ADAMTS3: variants seen among roughly 807,000 people sequenced by gnomAD.
ADAMTS3 encodes the protein ADAM metallopeptidase with thrombospondin type 1 motif 3.
A neutral mutation model predicts 129.0 loss-of-function variants in ADAMTS3; 73 were observed. That is an observed-to-expected ratio of 0.57 (90% CI 0.47 to 0.69). The LOEUF is 0.69. ADAMTS3 is among the 30% of genes least tolerant of loss of function. The probability of loss-of-function intolerance (pLI) is 0.00; values close to 1 mark genes in which losing one functional copy is unlikely to be tolerated. For synonymous variants in ADAMTS3, 477 were observed against 510.8 expected (o/e 0.93, Z 0.89); for missense variants, 1,457 against 1,514.5 (o/e 0.96, Z 0.63).
chr4:72,364,292 C>T (rs1720811908), intron 4 of ADAMTS3, among the ~76,000 whole-genome samples: 2 of 151,962 alleles, frequency 1.3e-5, no homozygotes, highest in Non-Finnish European at 2.9e-5. Flanking sequence ...TTTACTTTTC[C>T]AAAGATTTTA....
intron 4 of ADAMTS3, among the ~76,000 whole-genome samples, chr4:72,364,004 A>T (rs1720798416): frequency 6.6e-6 from 1 of 152,176 alleles, no homozygotes; most frequent in African/African-American, 2.4e-5. Context: ...CATGAAAATG[A>T]TGGCTACCCT....
intron 3 of ADAMTS3, among the ~76,000 whole-genome samples, chr4:72,518,313 G>C (rs1244695169): frequency 2.0e-5 from 3 of 152,182 alleles, no homozygotes; most frequent in Non-Finnish European, 2.9e-5. Flanking sequence ...TGTATATTCT[G>C]TTGATATGGG....
chr4:72,288,421 G>A (rs1008934085), intron 21 of ADAMTS3, among the ~76,000 whole-genome samples: 4 of 152,146 alleles, frequency 2.6e-5, no homozygotes, highest in African/African-American at 9.7e-5. Flanking sequence ...ATAAAGATGT[G>A]AAGTTATAGT....
At chr4:72,406,775 T>C (rs1403928308) in intron 4 of ADAMTS3, among the ~76,000 whole-genome samples, 1 of 152,144 alleles carries the variant, frequency 6.6e-6, no homozygotes, top group Non-Finnish European at 1.5e-5. Context: ...TCCAGGTGAT[T>C]GTTATAATAA....
intron 3 of ADAMTS3, among the ~76,000 whole-genome samples, chr4:72,430,162 ACCTT>A: frequency 6.6e-6 from 1 of 152,006 alleles, no homozygotes; most frequent in Non-Finnish European, 1.5e-5. Context: ...TCCAAGTGTG[ACCTT>A]GGCACTCCCT....
chr4:72,523,621 AT>A (rs1469607639), intron 3 of ADAMTS3, among the ~76,000 whole-genome samples: 5 of 152,126 alleles, frequency 3.3e-5, no homozygotes, highest in Non-Finnish European at 7.4e-5. Context: ...AGTTTTTTAA[AT>A]AATTGTATGA....
At chr4:72,367,122 G>C (rs1331175605) in intron 4 of ADAMTS3, among the ~76,000 whole-genome samples, 1 of 152,150 alleles carries the variant, frequency 6.6e-6, no homozygotes. Context: ...AGAATTTCTT[G>C]AAAACATCTA....
At chr4:72,538,920 A>C (rs1030736832) in intron 3 of ADAMTS3, among the ~76,000 whole-genome samples, 1 of 152,208 alleles carries the variant, frequency 6.6e-6, no homozygotes, top group Non-Finnish European at 1.5e-5. Context: ...GAGAAAAGAC[A>C]GTCTTTTCAA....
At chr4:72,481,509 C>G (rs765289766) in intron 3 of ADAMTS3, among the ~76,000 whole-genome samples, 3 of 152,060 alleles carry the variant, frequency 2.0e-5, no homozygotes, top group Non-Finnish European at 2.9e-5. Context: ...AAAGAATAGC[C>G]TTGGACCTAA....
At chr4:72,365,040 G>A (rs1206744148) in intron 4 of ADAMTS3, among the ~76,000 whole-genome samples, 2 of 152,170 alleles carry the variant, frequency 1.3e-5, no homozygotes, top group African/African-American at 2.4e-5. Context: ...CATCTGCAAT[G>A]CCTACACAGT....
chr4:72,343,005 A>G (rs1720179124), intron 4 of ADAMTS3, among the ~76,000 whole-genome samples: 2 of 152,224 alleles, frequency 1.3e-5, no homozygotes, highest in Admixed American at 1.3e-4. Flanking sequence ...CTCTCCTGTG[A>G]GAGAGAAGGG....
At chr4:72,470,008 A>G (rs1324908933) in intron 3 of ADAMTS3, among the ~76,000 whole-genome samples, 18 of 152,134 alleles carry the variant, frequency 1.2e-4, no homozygotes, top group Non-Finnish European at 1.5e-5. Flanking sequence ...ATTTCACTGC[A>G]TGGGGGTTGG....
intron 3 of ADAMTS3, among the ~76,000 whole-genome samples, chr4:72,532,357 C>A (rs976922728): frequency 1.3e-5 from 2 of 152,078 alleles, no homozygotes; most frequent in African/African-American, 4.8e-5. Context: ...TCCTCAAATG[C>A]AACACAGGAG....
chr4:72,450,945 AAGGC>A (rs1237605359), intron 3 of ADAMTS3, among the ~76,000 whole-genome samples: 11 of 143,492 alleles, frequency 7.7e-5, no homozygotes, highest in African/African-American at 2.6e-4. Context: ...GGAAGGAAGG[AAGGC>A]AGGCAGGCAG....
chr4:72,512,028 A>AT (rs1720329148), intron 3 of ADAMTS3, among the ~76,000 whole-genome samples: 1 of 152,166 alleles, frequency 6.6e-6, no homozygotes, highest in Non-Finnish European at 1.5e-5. Flanking sequence ...GACAAACATC[A>AT]TATGTTCTCA....
At chr4:72,542,944 T>A (rs1721371168) in intron 3 of ADAMTS3, among the ~76,000 whole-genome samples, 1 of 152,218 alleles carries the variant, frequency 6.6e-6, no homozygotes, top group Non-Finnish European at 1.5e-5. Flanking sequence ...GATACACACA[T>A]TTGCTTTTTA....
intron 4 of ADAMTS3, among the ~76,000 whole-genome samples, chr4:72,380,798 G>A (rs1163789078): frequency 6.6e-6 from 1 of 152,140 alleles, no homozygotes; most frequent in Non-Finnish European, 1.5e-5. Flanking sequence ...ATGTGTAGCA[G>A]AGATTGAGAA....
At chr4:72,425,744 T>G (rs924011406) in intron 3 of ADAMTS3, among the ~76,000 whole-genome samples, 1 of 151,858 alleles carries the variant, frequency 6.6e-6, no homozygotes, top group Admixed American at 6.6e-5. Context: ...TGTTGGACAT[T>G]TGGGTTGGTT....
chr4:72,380,098 T>C (rs1373388139), intron 4 of ADAMTS3, among the ~76,000 whole-genome samples: 1 of 152,170 alleles, frequency 6.6e-6, no homozygotes, highest in Non-Finnish European at 1.5e-5. Context: ...GTAATTCTAA[T>C]GTGAATGCAT....
Sources: gnomAD v4.1 joint callset for allele counts (sites outside exome capture counted in the v4.1 genomes callset) on GRCh38, gnomAD v4.1.1 for gene constraint, MANE v1.5 for transcripts, NCBI Gene and HGNC (gene_info 2026-07-23, HGNC 2026-07-21) for gene names.